Variants in EP400 observed in about 807,000 individuals in gnomAD.
EP400 encodes E1A-binding protein p400.
Under a neutral mutation model 354.1 loss-of-function variants are expected in EP400, and 105 were observed. That is an observed-to-expected ratio of 0.30 (90% CI 0.25 to 0.35). EP400 has a LOEUF of 0.35. Ranked by LOEUF, EP400 falls within the 10% of genes least tolerant of loss-of-function variation. The pLI is 1.00. For synonymous variants in EP400, 1,646 were observed against 1,716.9 expected (o/e 0.96, Z 1.02); for missense variants, 3,280 against 4,121.0 (o/e 0.80, Z 5.59).
intron 15 of EP400, among the ~76,000 whole-genome samples, chr12:132,009,830 ATTTTTTTTT>A (rs35513772): frequency 6.3e-5 from 5 of 79,724 alleles, no homozygotes; most frequent in South Asian, 4.1e-4. Flanking sequence ...CGCCTGGCTA[ATTTTTTTTT>A]TTTTTTTTTT....
Position 131,961,626 on chromosome 12 carries a change from T to G in EP400, c.1007T>G (p.Leu336Arg). ...AVPPGLSSLP[L>R]TSVGNTGMKK... is the part of the protein sequence containing the mutation. Reference sequence around the variant, plus strand: ...CCCCCAGGCCTTTCCAGCCTCCCACTCACGTCTGTGGGGAACACGGGAATG... The same window carrying G: ...CCCCCAGGCCTTTCCAGCCTCCCACGCACGTCTGTGGGGAACACGGGAATG... Residue 336 changes from leucine to arginine, a missense_variant, in exon 2 of 53, where the codon CTC becomes CGC. Around this residue, in one of 20 missense-constraint regions of EP400, gnomAD observed 85 missense variants for 180.3 expected, o/e 0.47. Transcript: ENST00000389561. 1 of 1,588,330 alleles carries G rather than the reference T, an allele frequency of 6.3e-7. No homozygotes were observed. Among genetic ancestry groups the G allele is most frequent in the Non-Finnish European group, 8.6e-7 (1 of 1,165,624 alleles).
At chr12:132,037,258 A>G (rs1476965994) in intron 30 of EP400, among the ~76,000 whole-genome samples, 1 of 152,154 alleles carries the variant, frequency 6.6e-6, no homozygotes, top group Non-Finnish European at 1.5e-5. Context: ...AAACGCCCAT[A>G]ATTACATGAG....
intron 45 of EP400, among the ~76,000 whole-genome samples, chr12:132,058,891 A>G (rs1202924286): frequency 6.6e-6 from 1 of 151,988 alleles, no homozygotes; most frequent in Non-Finnish European, 1.5e-5. Flanking sequence ...GGCTGAAGCA[A>G]TCCTCCCACC....
At chr12:131,950,804 C>T (rs1292027273) in intron 1 of EP400, among the ~76,000 whole-genome samples, 1 of 152,192 alleles carries the variant, frequency 6.6e-6, no homozygotes, top group African/African-American at 2.4e-5. Context: ...CCCAGGTTGG[C>T]GTGCAGTGGC....
chr12:132,062,391 C>G, intron 46 of EP400, 68 bp downstream of exon 46: 3 of 1,610,198 alleles, frequency 1.9e-6, no homozygotes, highest in Non-Finnish European at 2.5e-6. Flanking sequence ...TCAGCTGCTG[C>G]TTGCTGTCTG....
At chr12:132,072,348 TC>T (rs1278138217) in intron 51 of EP400, among the ~76,000 whole-genome samples, 1 of 152,250 alleles carries the variant, frequency 6.6e-6, no homozygotes, top group Non-Finnish European at 1.5e-5. Flanking sequence ...TGAGCTTATT[TC>T]ACAAATTTTA....
In EP400 at chr12:132,050,910, G is replaced by T; in HGVS notation, c.7394+255G>T. ...CCCTCAGTGGGGAAAGACGCTGACA[G>T]ATGTGATGAGTGTGCCAGGGCCATG... On this transcript the variant is annotated intron_variant, in intron 41 of 52. Transcript: ENST00000389561. The surrounding 1 kb of genome is among the most constrained non-coding windows in gnomAD (Gnocchi z 4.8). 1.8e-6 allele frequency: 1 copy of T among 569,116 alleles called. No homozygotes were observed. The highest frequency in any genetic ancestry group is 1.9e-5 in the African/African-American group (1 of 53,430). The allele number at this position is 569,116 out of a possible 1,614,324, so 35.3% of individuals were successfully genotyped here.
rs769216736 is a variant in EP400 at position 132,013,736 on chromosome 12, GCA to G, written c.3787-40_3787-39del. On this transcript the variant is annotated intron_variant, in intron 18 of 52. Coordinates refer to ENST00000389561, the MANE Select transcript of EP400 (RefSeq NM_015409.5). This position sits in a 1 kb window ranked among gnomAD's most constrained non-coding sequence, Gnocchi z 4.5. ...GCCTTGTTATAAACGTGTTACAGCAGCATTTTTGGAAAGAAAACAGTAAACAG... is the reference window on the plus strand; with the variant it reads ...GCCTTGTTATAAACGTGTTACAGCAGTTTTTGGAAAGAAAACAGTAAACAG... 6 of 1,610,768 alleles carry G rather than the reference GCA, an allele frequency of 3.7e-6. No individual in the cohort carries two copies. Among genetic ancestry groups the G allele is most frequent in the Non-Finnish European group, 5.1e-6 (6 of 1,178,494 alleles).
At chr12:132,039,255 G>A (rs931385541) in intron 32 of EP400, among the ~76,000 whole-genome samples, 11 of 152,300 alleles carry the variant, frequency 7.2e-5, no homozygotes, top group African/African-American at 2.6e-4. Context: ...ACCTGAGACT[G>A]GGTGATTTAT....
At chr12:132,068,209 C>G (rs913609961) in intron 50 of EP400, 1 of 152,556 alleles carries the variant, frequency 6.6e-6, no homozygotes, top group African/African-American at 2.4e-5. Flanking sequence ...TCTGTTGGCA[C>G]TGCTGTCTGG....
chr12:132,066,365 G>A (rs1895891138), intron 48 of EP400: 1 of 169,286 alleles, frequency 5.9e-6, no homozygotes, highest in African/African-American at 2.4e-5. Context: ...TGCGGGACGG[G>A]AGGCTGAGGC....
chr12:131,962,351 C>T (rs1695650186), intron 2 of EP400, among the ~76,000 whole-genome samples: 1 of 152,182 alleles, frequency 6.6e-6, no homozygotes, highest in African/African-American at 2.4e-5. Context: ...TGTGAAAGCC[C>T]AGCACCCTTT....
chr12:132,017,807 C>T lies in EP400; in HGVS notation c.4110+86C>T. ...ATAAAACCATTCTTGGAAATGGGTTCTCAACCAGCTCTTCTGCAATTGCAA... is the reference window on the plus strand; with the variant it reads ...ATAAAACCATTCTTGGAAATGGGTTTTCAACCAGCTCTTCTGCAATTGCAA... On this transcript the variant is annotated intron_variant, in intron 20 of 52. Coordinates refer to ENST00000389561, the MANE Select transcript of EP400 (RefSeq NM_015409.5). The surrounding 1 kb of genome is among the most constrained non-coding windows in gnomAD (Gnocchi z 5.0). The T allele has an allele frequency of 7.3e-7, 1 of 1,371,198 alleles. No homozygotes were observed. Among genetic ancestry groups the T allele is most frequent in the Non-Finnish European group, 9.7e-7 (1 of 1,031,758 alleles). 84.9% of individuals were successfully genotyped at this position (1,371,198 alleles called of 1,614,324 possible).
chr12:131,968,953 C>T (rs1403032657), intron 2 of EP400, among the ~76,000 whole-genome samples: 1 of 152,026 alleles, frequency 6.6e-6, no homozygotes, highest in Non-Finnish European at 1.5e-5. Context: ...TTTGTAGATT[C>T]CATGGGATTC....
chr12:131,966,562 C>CAAAA (rs534384776), intron 2 of EP400, among the ~76,000 whole-genome samples: 53 of 57,510 alleles, frequency 9.2e-4, no homozygotes, highest in African/African-American at 3.0e-3. Flanking sequence ...TACCCTACCT[C>CAAAA]AAAAAAAAAA....
intron 1 of EP400, among the ~76,000 whole-genome samples, chr12:131,958,721 A>G (rs1891783620): frequency 6.6e-6 from 1 of 151,958 alleles, no homozygotes; most frequent in Non-Finnish European, 1.5e-5. Flanking sequence ...GGGTCTCACT[A>G]TGTTGCCTAG....
intron 48 of EP400, chr12:132,065,132 T>G (rs1593386167): frequency 1.4e-6 from 1 of 693,598 alleles, no homozygotes; most frequent in Non-Finnish European, 2.3e-6. Context: ...TTGAGGGGGG[T>G]GGAGAGTGAG....
rs186137783 is a variant in EP400, at chr12:132,019,963, G to A, written c.4278-86G>A. The stretch of plus-strand genomic sequence containing the variant: ...TCCCTGAGCTGGCTTCCTATGGGCA[G>A]CGGTGAACCCCGGCTCCATGAGGTG... On this transcript the variant is annotated intron_variant, in intron 21 of 52. Transcript: ENST00000389561. 67 of 1,387,946 alleles carry A rather than the reference G, an allele frequency of 4.8e-5. No individual in the cohort carries two copies. The African/African-American group carries it at 7.7e-4, about 16-fold the overall frequency. 86.0% of individuals were successfully genotyped at this position (1,387,946 alleles called of 1,614,324 possible). A position where few individuals can be genotyped will look rare whatever the true frequency, so the allele number is the denominator to read the frequency against.
intron 12 of EP400, 102 bp downstream of exon 12, chr12:131,995,058 C>T (rs1250342316): frequency 8.7e-7 from 1 of 1,144,088 alleles, no homozygotes; most frequent in Non-Finnish European, 1.3e-6. Context: ...AGCAGCAGTG[C>T]CTGTTTTATG....
Sources: gnomAD v4.1 joint callset for allele counts (sites outside exome capture counted in the v4.1 genomes callset) on GRCh38, gnomAD v4.1.1 for gene constraint, gnomAD v4.1.1 regional missense constraint, Gnocchi (gnomAD v3.1) non-coding constraint, MANE v1.5 for transcripts, NCBI Gene and HGNC (gene_info 2026-07-23, HGNC 2026-07-21) for gene names.